The following COL23A1 variants were observed in gnomAD, a reference collection of about 807,000 sequenced individuals.
COL23A1 encodes the protein collagen alpha-1(XXIII) chain.
In COL23A1, 97 loss-of-function variants were observed where a neutral mutation model predicts 99.3. That is an observed-to-expected ratio of 0.98 (90% CI 0.83 to 1.16). The LOEUF is 1.16. Among genes scored for constraint, COL23A1 ranks in the 50% most tolerant of loss-of-function variants. COL23A1 has a pLI of 0.00. For synonymous variants in COL23A1, 320 were observed against 308.2 expected (o/e 1.04, Z -0.40); for missense variants, 762 against 757.4 (o/e 1.01, Z -0.07).
At chr5:178,465,995 C>G (rs960487929) in intron 2 of COL23A1, among the ~76,000 whole-genome samples, 1 of 152,150 alleles carries the variant, frequency 6.6e-6, no homozygotes, top group Non-Finnish European at 1.5e-5. Context: ...GCCATCGTGT[C>G]CACATCACCC....
chr5:178,547,638 CCACACACACACACCCCCCAT>C (rs1761708327), intron 2 of COL23A1, among the ~76,000 whole-genome samples: 1 of 18,204 alleles, frequency 5.5e-5, no homozygotes, highest in Non-Finnish European at 1.1e-4. Context: ...CCACACCCCC[CCACACACACACACCCCCCAT>C]ACACACCCCC....
At chr5:178,499,406 G>A (rs531874677) in intron 2 of COL23A1, among the ~76,000 whole-genome samples, 3 of 152,286 alleles carry the variant, frequency 2.0e-5, no homozygotes, top group African/African-American at 4.8e-5. Flanking sequence ...CTGATCTTAC[G>A]TGCCTTGATA....
chr5:178,425,942 G>A (rs928350165), intron 2 of COL23A1, among the ~76,000 whole-genome samples: 7 of 152,154 alleles, frequency 4.6e-5, no homozygotes, highest in African/African-American at 1.7e-4. Context: ...CTTGTGCTCC[G>A]GTGAACACAC....
At chr5:178,518,186 CAT>C (rs964337463) in intron 2 of COL23A1, among the ~76,000 whole-genome samples, 3 of 141,534 alleles carry the variant, frequency 2.1e-5, no homozygotes, top group Non-Finnish European at 4.6e-5. Context: ...GGACACAGCA[CAT>C]GTTTCAGAGA....
At chr5:178,585,342 G>A (rs977050315) in intron 1 of COL23A1, among the ~76,000 whole-genome samples, 4 of 150,954 alleles carry the variant, frequency 2.6e-5, no homozygotes, top group Non-Finnish European at 4.4e-5. Context: ...CCCGGCTGAC[G>A]CTCAGGTAAC....
chr5:178,555,834 A>C (rs993965273), intron 2 of COL23A1, among the ~76,000 whole-genome samples: 1 of 152,106 alleles, frequency 6.6e-6, no homozygotes, highest in Non-Finnish European at 1.5e-5. Context: ...TGGAGGCCGG[A>C]CCATAGGGCA....
intron 2 of COL23A1, among the ~76,000 whole-genome samples, chr5:178,530,519 T>C (rs905108025): frequency 6.6e-6 from 1 of 152,150 alleles, no homozygotes; most frequent in Non-Finnish European, 1.5e-5. Context: ...ACAGAATCAC[T>C]TGCTTCTAAT....
chr5:178,429,752 T>C (rs1404622492), intron 2 of COL23A1, among the ~76,000 whole-genome samples: 1 of 152,136 alleles, frequency 6.6e-6, no homozygotes, highest in Non-Finnish European at 1.5e-5. Context: ...ACTGTGTCCC[T>C]CCCTGCACCA....
At position 178,488,756 on chromosome 5, in the gene COL23A1, G is replaced by C. The variant is rs531638029; in HGVS notation, c.361+71926C>G. Among the ~76,000 whole-genome samples, 16 of 152,154 alleles carry C rather than the reference G, an allele frequency of 1.1e-4. No homozygotes were observed. In the South Asian group the frequency reaches 3.3e-3, roughly 32 times the overall value. ...TATTTAATGTATACATTCAATGAAT[G>C]TAAATTCAAGGAGGCACCAGACGAG... On this transcript the variant is annotated intron_variant, in intron 2 of 28. Coordinates refer to ENST00000390654, the MANE Select transcript of COL23A1 (RefSeq NM_173465.4).
rs866325855 is a variant in COL23A1, at chr5:178,367,303, C to T, written c.362-60384G>A. On this transcript the variant is annotated intron_variant, in intron 2 of 28. Coordinates refer to ENST00000390654, the MANE Select transcript of COL23A1 (RefSeq NM_173465.4). ...ACGGGAGCTCCACGTCTGAGAGGGG[C>T]GTTTGGCCTTGGGTGGGTCACGCCT... Among the ~76,000 whole-genome samples the T allele has an allele frequency of 8.3e-4, 126 of 152,246 alleles. 1 individual carries two copies. Among genetic ancestry groups the T allele is most frequent in the African/African-American group, 2.8e-3 (115 of 41,550 alleles).
chr5:178,357,507 CAAGT>C (rs1761726492), intron 2 of COL23A1, among the ~76,000 whole-genome samples: 1 of 152,200 alleles, frequency 6.6e-6, no homozygotes, highest in Non-Finnish European at 1.5e-5. Context: ...GCTGGGGAAA[CAAGT>C]GAGTTCTTTG....
intron 3 of COL23A1, among the ~76,000 whole-genome samples, chr5:178,303,672 A>T (rs571136203): frequency 1.3e-5 from 2 of 152,336 alleles, no homozygotes; most frequent in South Asian, 2.1e-4. Context: ...TTGTGTAGGC[A>T]CTGGCCAAGC....
chr5:178,578,608 A>G (rs952926823), intron 1 of COL23A1, among the ~76,000 whole-genome samples: 2 of 152,202 alleles, frequency 1.3e-5, no homozygotes, highest in Admixed American at 1.3e-4. Context: ...AGAGTTGGAA[A>G]CAAATTCCAT....
At chr5:178,496,669 A>T (rs1410179932) in intron 2 of COL23A1, among the ~76,000 whole-genome samples, 1 of 152,364 alleles carries the variant, frequency 6.6e-6, no homozygotes, top group South Asian at 2.1e-4. Flanking sequence ...CATGACTATG[A>T]CAAAGAGGAG....
chr5:178,539,545 C>CAAAAAAAAAAA (rs58424731), intron 2 of COL23A1, among the ~76,000 whole-genome samples: 17 of 78,382 alleles, frequency 2.2e-4, no homozygotes, highest in South Asian at 4.8e-4. Flanking sequence ...GACTCTGTCT[C>CAAAAAAAAAAA]AAAAAAAAAA....
chr5:178,486,705 C>T (rs899677210), intron 2 of COL23A1, among the ~76,000 whole-genome samples: 1 of 152,066 alleles, frequency 6.6e-6, no homozygotes, highest in Non-Finnish European at 1.5e-5. Context: ...CAAAGAAAAC[C>T]CAAAGCGTAC....
At chr5:178,344,466 G>A (rs1034070038) in intron 2 of COL23A1, among the ~76,000 whole-genome samples, 6 of 152,090 alleles carry the variant, frequency 3.9e-5, no homozygotes, top group African/African-American at 7.2e-5. Flanking sequence ...GTGAAACCCC[G>A]TCTCCACTAA....
chr5:178,472,000 C>T (rs905273458), intron 2 of COL23A1, among the ~76,000 whole-genome samples: 5 of 152,104 alleles, frequency 3.3e-5, no homozygotes, highest in African/African-American at 7.2e-5. Flanking sequence ...TGATTAAAAT[C>T]CTGGGTGCAG....
At chr5:178,482,420 T>C (rs545200442) in intron 2 of COL23A1, among the ~76,000 whole-genome samples, 22 of 152,136 alleles carry the variant, frequency 1.4e-4, no homozygotes, top group Non-Finnish European at 2.5e-4. Flanking sequence ...CAAACTCATA[T>C]AGACAGAAAG....
Sources: gnomAD v4.1 joint callset for allele counts (sites outside exome capture counted in the v4.1 genomes callset) on GRCh38, gnomAD v4.1.1 for gene constraint, MANE v1.5 for transcripts, NCBI Gene and HGNC (gene_info 2026-07-23, HGNC 2026-07-21) for gene names.